The following VPS39 variants were observed in gnomAD, a reference collection of about 807,000 sequenced individuals.
VPS39 encodes VPS39 subunit of HOPS complex.
A neutral mutation model predicts 121.0 loss-of-function variants in VPS39; 70 were observed. That is an observed-to-expected ratio of 0.58 (90% confidence interval 0.48 to 0.71). The LOEUF (loss-of-function observed/expected upper bound fraction) is 0.71. VPS39 is among the 30% of genes least tolerant of loss of function. The probability of loss-of-function intolerance (pLI) is 0.00; values close to 1 mark genes in which losing one functional copy is unlikely to be tolerated. For synonymous variants in VPS39, 378 were observed against 398.1 expected, an observed-to-expected ratio of 0.95 and a Z score of 0.60; for missense variants, 818 against 1,051.5, an observed-to-expected ratio of 0.78 and a Z score of 3.07.
intron 21 of VPS39, 191 bp from the exon 22 acceptor site, chr15:42,162,672 T>C (rs1016201883): frequency 1.7e-6 from 1 of 578,696 alleles, no homozygotes; most frequent in South Asian, 5.5e-5. Flanking sequence ...TAAGGATTGC[T>C]TTTTCCCTGA....
chr15:42,163,817 A>C, intron 19 of VPS39, 89 bp from the exon 20 acceptor site: 1 of 845,136 alleles, frequency 1.2e-6, no homozygotes, highest in Non-Finnish European at 1.8e-6. Context: ...GACACGAGGC[A>C]ATATAAAGGG....
chr15:42,200,072 T>C (rs2140889762), intron 1 of VPS39, 111 bp from the exon 2 acceptor site: 2 of 1,006,858 alleles, frequency 2.0e-6, no homozygotes, highest in East Asian at 5.8e-5. Context: ...TAATCAGAAA[T>C]CAATGTGTCA....
intron 11 of VPS39, 54 bp from the exon 12 acceptor site, chr15:42,169,920 TA>T (rs2140845591): frequency 1.3e-6 from 2 of 1,534,704 alleles, no homozygotes; most frequent in African/African-American, 2.8e-5. Flanking sequence ...AATTTAGGGA[TA>T]AAATAAAACA....
chr15:42,191,672 C>A, intron 2 of VPS39, 112 bp from the exon 3 acceptor site: 1 of 903,410 alleles, frequency 1.1e-6, no homozygotes. Context: ...TTGGAAGTTC[C>A]TGAAAGACTA....
At chr15:42,207,417 C>T (rs1413644248) in intron 1 of VPS39, among the ~76,000 whole-genome samples, 1 of 152,138 alleles carries the variant, frequency 6.6e-6, no homozygotes, top group African/African-American at 2.4e-5. Context: ...ATGTCTGTCC[C>T]GGCCTTCTGC....
chr15:42,195,713 G>A (rs2049922803), intron 2 of VPS39, among the ~76,000 whole-genome samples: 1 of 152,168 alleles, frequency 6.6e-6, no homozygotes, highest in South Asian at 2.1e-4. Flanking sequence ...TCATGGATAG[G>A]AAGAATCATA....
chr15:42,177,177 A>AC (rs1595657747), intron 10 of VPS39, among the ~76,000 whole-genome samples: 1 of 151,272 alleles, frequency 6.6e-6, no homozygotes, highest in Non-Finnish European at 1.5e-5. Context: ...AAAAAAAAAA[A>AC]AAAAAAAAAA....
intron 5 of VPS39, 75 bp from the exon 6 acceptor site, chr15:42,187,931 T>A: frequency 7.0e-7 from 1 of 1,425,398 alleles, no homozygotes. Context: ...TTAGAGATTG[T>A]CTACCTTGAA....
rs373053035 is a variant in VPS39 at position 42,191,680 on chromosome 15, CT to C, written c.140-121del. On this transcript the variant is annotated intron_variant, in intron 2 of 24. Transcript: ENST00000318006. ...TAAATCTTTGGAAGTTCCTGAAAGACTAAAAATCAGAGATCTAAATAGCCAG... is the reference window on the plus strand; with the variant it reads ...TAAATCTTTGGAAGTTCCTGAAAGACAAAAATCAGAGATCTAAATAGCCAG... The C allele has an allele frequency of 4.5e-3, 3,854 of 859,078 alleles. 34 individuals carry two copies. Among genetic ancestry groups the C allele is most frequent in the Middle Eastern group, 0.026 (77 of 2,954 alleles). The allele number at this position is 859,078 out of a possible 1,614,324, so 53.2% of individuals were successfully genotyped here.
At chr15:42,161,563 G>T in intron 24 of VPS39, 119 bp downstream of exon 24, 1 of 1,049,358 alleles carries the variant, frequency 9.5e-7, no homozygotes, top group Non-Finnish European at 1.5e-6. Flanking sequence ...AAAGTTGTCA[G>T]GACAGCCAGC....
chr15:42,166,010 G>C, intron 16 of VPS39, 149 bp downstream of exon 16: 1 of 952,292 alleles, frequency 1.1e-6, no homozygotes, highest in South Asian at 1.5e-5. Flanking sequence ...ACCAACTACA[G>C]TGCTGGCTCG....
At chr15:42,176,886 G>A (rs1034326502) in intron 10 of VPS39, among the ~76,000 whole-genome samples, 5 of 152,034 alleles carry the variant, frequency 3.3e-5, no homozygotes, top group African/African-American at 1.2e-4. Context: ...TCTGAGGCTG[G>A]GCATAGTAGT....
chr15:42,164,670 C>G, intron 18 of VPS39, 184 bp from the exon 19 acceptor site: 1 of 1,434,404 alleles, frequency 7.0e-7, no homozygotes, highest in Non-Finnish European at 9.1e-7. Flanking sequence ...CATCAGCTTA[C>G]GGTTAAAAAA....
chr15:42,167,352 G>A (rs2140841234), intron 13 of VPS39, 42 bp downstream of exon 13: 4 of 1,609,586 alleles, frequency 2.5e-6, no homozygotes, highest in African/African-American at 1.3e-5. Flanking sequence ...AGACTGTCAG[G>A]GTAACTGGGA....
At chr15:42,199,418 C>T (rs2050017102) in intron 2 of VPS39, among the ~76,000 whole-genome samples, 1 of 152,070 alleles carries the variant, frequency 6.6e-6, no homozygotes, top group Non-Finnish European at 1.5e-5. Flanking sequence ...AACTTGCTCA[C>T]GGTCACGCAG....
chr15:42,175,421 A>G (rs976927597), intron 10 of VPS39, among the ~76,000 whole-genome samples: 22 of 151,996 alleles, frequency 1.4e-4, no homozygotes, highest in Admixed American at 8.5e-4. Context: ...AAAAAAAAAA[A>G]AAAGAAAGAA....
chr15:42,167,322 G>A lies in VPS39; in HGVS notation c.1377+72C>T, dbSNP rs535697156. On this transcript the variant is annotated intron_variant, in intron 13 of 24. Coordinates refer to ENST00000318006, the MANE Select transcript of VPS39 (RefSeq NM_015289.5). Reference sequence around the variant, plus strand: ...CTAATGGCAGGTCCCTCAGGGTCTAGCACTCCCTTTTACTTTCCCAGACTG... The same window carrying A: ...CTAATGGCAGGTCCCTCAGGGTCTAACACTCCCTTTTACTTTCCCAGACTG... 9.5e-6 allele frequency: 15 copies of A among 1,572,134 alleles called. No individual in the cohort carries two copies. In the African/African-American group the frequency reaches 1.9e-4, roughly 20 times the overall value.
intron 10 of VPS39, among the ~76,000 whole-genome samples, chr15:42,175,188 C>T (rs1376426437): frequency 1.3e-5 from 2 of 151,976 alleles, no homozygotes; most frequent in Non-Finnish European, 2.9e-5. Flanking sequence ...CTGAAGCGGG[C>T]GGATCATGAG....
intron 1 of VPS39, among the ~76,000 whole-genome samples, chr15:42,206,142 C>T (rs955771148): frequency 6.6e-6 from 1 of 152,162 alleles, no homozygotes; most frequent in Non-Finnish European, 1.5e-5. Flanking sequence ...ATGTTCTCTC[C>T]TGATTTCTAT....
Sources: gnomAD v4.1 joint callset for allele counts (sites outside exome capture counted in the v4.1 genomes callset) on GRCh38, gnomAD v4.1.1 for gene constraint, MANE v1.5 for transcripts, NCBI Gene and HGNC (gene_info 2026-07-23, HGNC 2026-07-21) for gene names.